The following DHRS7 variants were observed in gnomAD, a reference collection of about 807,000 sequenced individuals.
DHRS7 encodes dehydrogenase/reductase SDR family member 7.
DHRS7 carries 34 observed loss-of-function variants against 38.9 expected under a neutral mutation model. The observed-to-expected ratio is 0.87, with a 90% CI of 0.66 to 1.16. DHRS7 has a LOEUF of 1.16. DHRS7 is among the 50% of genes most tolerant of loss of function. The probability of loss-of-function intolerance (pLI) is 0.00; values close to 1 mark genes in which losing one functional copy is unlikely to be tolerated. For missense variants in DHRS7, 421 were observed against 407.0 expected (o/e 1.03, Z -0.30); for synonymous variants, 158 against 153.1 (o/e 1.03, Z -0.24).
intron 6 of DHRS7, chr14:60,147,115 C>G (rs1896425580): frequency 6.6e-6 from 1 of 152,100 alleles, no homozygotes; most frequent in African/African-American, 2.4e-5. Context: ...CGCCTATAGT[C>G]TCAGCTACTC....
intron 6 of DHRS7, chr14:60,147,550 A>G (rs1402318146): frequency 6.6e-6 from 1 of 152,204 alleles, no homozygotes; most frequent in African/African-American, 2.4e-5. Flanking sequence ...AGGAAGCTGA[A>G]TATCCTGCTA....
chr14:60,145,732 A>G lies in DHRS7; in HGVS notation c.973-719T>C, dbSNP rs1013946492. 7.2e-5 allele frequency: 11 copies of G among 152,196 alleles called. No individual in the cohort carries two copies. Among genetic ancestry groups the G allele is most frequent in the African/African-American group, 1.7e-4 (7 of 41,462 alleles). The allele number at this position is 152,196 out of a possible 1,614,324, so 9.4% of individuals were successfully genotyped here. Reference sequence around the variant, plus strand: ...GAACTTTTTGTATATTGCTTAAGGAATAAAACAAGGCAACCTGATAATCCC... The same window carrying G: ...GAACTTTTTGTATATTGCTTAAGGAGTAAAACAAGGCAACCTGATAATCCC... On this transcript the variant is annotated intron_variant, in intron 6 of 6. Transcript: ENST00000557185. The surrounding 1 kb of genome is among the most constrained non-coding windows in gnomAD (Gnocchi z 4.0).
In DHRS7 at chr14:60,153,897, G is replaced by A. The variant is rs1349181280; in HGVS notation, c.393+62C>T. ...AAGCCCTTTGTATGACAGCACCACG[G>A]ATGGGAATCTCTTCTGCAGTTACTT... On this transcript the variant is annotated intron_variant, in intron 3 of 6. Transcript: ENST00000557185. The surrounding 1 kb of genome is among the most constrained non-coding windows in gnomAD (Gnocchi z 4.4). 3.4e-6 allele frequency: 5 copies of A among 1,469,026 alleles called. No individual in the cohort carries two copies. Among genetic ancestry groups the A allele is most frequent in the African/African-American group, 2.8e-5 (2 of 71,822 alleles). The allele number at this position is 1,469,026 out of a possible 1,614,324, so 91.0% of individuals were successfully genotyped here.
At chr14:60,168,706 G>A, upstream of DHRS7, 1 of 1,565,076 alleles carries the variant, frequency 6.4e-7, no homozygotes, top group Non-Finnish European at 8.7e-7. Context: ...GACCAGCCTT[G>A]GAGATAAGCA....
upstream of DHRS7, chr14:60,169,161 A>C (rs12884990): frequency 6.8e-6 from 1 of 146,400 alleles, no homozygotes; most frequent in Admixed American, 7.0e-5. Flanking sequence ...AAAAAAAAAA[A>C]CCATTGCACC....
At chr14:60,155,144 G>A (rs766257786) in intron 2 of DHRS7, among the ~76,000 whole-genome samples, 5 of 152,186 alleles carry the variant, frequency 3.3e-5, no homozygotes, top group Non-Finnish European at 7.3e-5. Flanking sequence ...TATACTTGAA[G>A]TTGCTTTCAA....
rs56277430 is a variant in DHRS7 at position 60,150,196 on chromosome 14, CAAAAA to C, written c.634-14_634-10del. Reference sequence around the variant, plus strand: ...AGGCCATTAAAAAAACCCTAACAGACAAAAAAAAAAAAAAAGGAAAAAGGCAAATA... The same window carrying C: ...AGGCCATTAAAAAAACCCTAACAGACAAAAAAAAAAGGAAAAAGGCAAATA... On this transcript the variant is annotated splice_polypyrimidine_tract_variant and intron_variant, in intron 4 of 6. Coordinates refer to ENST00000557185, the MANE Select transcript of DHRS7 (RefSeq NM_016029.4). 88 of 1,188,816 alleles carry C rather than the reference CAAAAA, an allele frequency of 7.4e-5. No homozygotes were observed. Among genetic ancestry groups the C allele is most frequent in the Middle Eastern group, 2.3e-4 (1 of 4,320 alleles). 73.6% of individuals were successfully genotyped at this position (1,188,816 alleles called of 1,614,324 possible). A position where few individuals can be genotyped will look rare whatever the true frequency, so the allele number is the denominator to read the frequency against.
At chr14:60,159,237 C>A in intron 1 of DHRS7, 1 of 382,794 alleles carries the variant, frequency 2.6e-6, no homozygotes, top group Non-Finnish European at 5.2e-6. Context: ...AAGCTAAAAT[C>A]AGAAAACCAA....
upstream of DHRS7, among the ~76,000 whole-genome samples, chr14:60,166,540 G>T (rs1896869442): frequency 6.6e-6 from 1 of 152,068 alleles, no homozygotes; most frequent in South Asian, 2.1e-4. Flanking sequence ...CCAAACTTTT[G>T]TTTTTCTTTA....
upstream of DHRS7, chr14:60,168,854 G>A (rs1229467368): frequency 2.2e-6 from 3 of 1,347,084 alleles, no homozygotes; most frequent in South Asian, 3.1e-5. Context: ...AAAGCATAAG[G>A]TCAGAGGAGA....
chr14:60,155,959 T>C (rs1896649643), intron 2 of DHRS7, 41 bp downstream of exon 2: 16 of 1,458,170 alleles, frequency 1.1e-5, no homozygotes, highest in Admixed American at 2.5e-5. Context: ...TTGGACTGAT[T>C]TATTTCTAGG....
In DHRS7 at chr14:60,162,907, T is replaced by A. The variant is rs1896791325; in HGVS notation, c.133+2270A>T. ...TACTCCTGCCAGGCGCAGTGGCTAA[T>A]GCCTGTAATCCCAACACTTTGGGAG... On this transcript the variant is annotated intron_variant, in intron 1 of 6. Transcript: ENST00000557185. This position sits in a 1 kb window ranked among gnomAD's most constrained non-coding sequence, Gnocchi z 4.5. Among the ~76,000 whole-genome samples the A allele has an allele frequency of 6.6e-6, 1 of 152,220 alleles. No individual in the cohort carries two copies. Among genetic ancestry groups the A allele is most frequent in the Non-Finnish European group, 1.5e-5 (1 of 68,030 alleles).
At chr14:60,157,548 T>C (rs1426670168) in intron 1 of DHRS7, among the ~76,000 whole-genome samples, 1 of 152,212 alleles carries the variant, frequency 6.6e-6, no homozygotes, top group Admixed American at 6.5e-5. Context: ...ACTTAGCACA[T>C]TGTCTACTAA....
Position 60,153,091 on chromosome 14 carries a change from G to C in DHRS7, c.481C>G (p.Leu161Val). ...SLDVYRKLIE[L>V]NYLGTVSLTK... The stretch of plus-strand genomic sequence containing the variant: ...AAGGACACCGTCCCTAAGTAGTTAA[G>C]CTCTATTAGCTTTCTGTAGACATCC... Residue 161 changes from leucine to valine, a missense_variant, in exon 4 of 7, where the codon CTT (leucine) becomes GTT (valine). By Grantham distance (32) the Leu-to-Val change is conservative (BLOSUM62 1). Transcript: ENST00000557185. This position sits in a 1 kb window ranked among gnomAD's most constrained non-coding sequence, Gnocchi z 4.4. 6.2e-7 allele frequency: 1 copy of C among 1,614,188 alleles called. No homozygotes were observed.
upstream of DHRS7, among the ~76,000 whole-genome samples, chr14:60,167,749 A>G (rs1353468496): frequency 6.6e-6 from 1 of 152,226 alleles, no homozygotes; most frequent in Non-Finnish European, 1.5e-5. Flanking sequence ...CTCAAGAACA[A>G]TAAGGGGTTT....
chr14:60,165,404 G>T, upstream of DHRS7: 1 of 1,475,626 alleles, frequency 6.8e-7, no homozygotes, highest in Non-Finnish European at 9.0e-7. The surrounding 1 kb of genome is among the most constrained non-coding windows in gnomAD (Gnocchi z 4.6). Flanking sequence ...CCTTCGGCCA[G>T]CCCAGAGCCG....
In DHRS7 at chr14:60,151,862, C is replaced by T. The variant is rs574863501; in HGVS notation, c.633+1077G>A. ...GTCTTGGAGGGCAGGCCAGACAGCT[C>T]ATCTGTGTTTACTGAAAGCATCCAG... On this transcript the variant is annotated intron_variant, in intron 4 of 6. Transcript: ENST00000557185. Among the ~76,000 whole-genome samples, 4 of 152,296 alleles carry T rather than the reference C, an allele frequency of 2.6e-5. No homozygotes were observed. In the South Asian group the frequency reaches 6.2e-4, roughly 24 times the overall value.
rs1896463088 is a variant in DHRS7 at position 60,148,558 on chromosome 14, T to C, written c.972+795A>G. On this transcript the variant is annotated intron_variant, in intron 6 of 6. Transcript: ENST00000557185. This position sits in a 1 kb window ranked among gnomAD's most constrained non-coding sequence, Gnocchi z 4.8. ...CAGCATATTTCCTTAGACAGGGGAATAGGCACATCTTAGATGTGCTGAGTA... is the reference window on the plus strand; with the variant it reads ...CAGCATATTTCCTTAGACAGGGGAACAGGCACATCTTAGATGTGCTGAGTA... Among the ~76,000 whole-genome samples, 1 of 152,166 alleles carries C rather than the reference T, an allele frequency of 6.6e-6. No homozygotes were observed. Among genetic ancestry groups the C allele is most frequent in the Non-Finnish European group, 1.5e-5 (1 of 68,028 alleles).
At chr14:60,166,114 A>G, upstream of DHRS7, 1 of 587,080 alleles carries the variant, frequency 1.7e-6, no homozygotes, top group Non-Finnish European at 2.1e-6. Flanking sequence ...TGCCTACTCT[A>G]ATACACAAAA....
Sources: gnomAD v4.1 joint callset for allele counts (sites outside exome capture counted in the v4.1 genomes callset) on GRCh38, gnomAD v4.1.1 for gene constraint, Gnocchi (gnomAD v3.1) non-coding constraint, MANE v1.5 for transcripts, NCBI Gene and HGNC (gene_info 2026-07-23, HGNC 2026-07-21) for gene names.